CHGA: variants seen among roughly 807,000 people sequenced by gnomAD.
CHGA encodes chromogranin A.
In CHGA, 41 loss-of-function variants were observed where a neutral mutation model predicts 54.4. The ratio of observed to expected loss-of-function variants is 0.75; its 90% CI spans 0.59 to 0.98. The LOEUF (loss-of-function observed/expected upper bound fraction) is 0.98. Among genes scored for constraint, CHGA ranks in the 50% least tolerant of loss-of-function variants. The probability of loss-of-function intolerance (pLI) is 0.00; values close to 1 mark genes in which losing one functional copy is unlikely to be tolerated. For synonymous variants in CHGA, 249 were observed against 232.8 expected (o/e 1.07, Z -0.63); for missense variants, 576 against 582.3 (o/e 0.99, Z 0.11).
chr14:92,929,613 T>G, intron 4 of CHGA, 104 bp from the exon 5 acceptor site: 1 of 1,003,406 alleles, frequency 1.0e-6, no homozygotes, highest in Non-Finnish European at 1.5e-6. Context: ...GCCCTGAACA[T>G]GATGTGCCCA....
At position 92,932,769 on chromosome 14, in the gene CHGA, T is replaced by C. The variant is rs1447212628; in HGVS notation, c.1208T>C (p.Leu403Pro). The change falls in exon 7 of 8, where the codon CTT becomes CCT. Residue 403 changes from leucine to proline, a missense_variant. Coordinates refer to ENST00000216492, the MANE Select transcript of CHGA (RefSeq NM_001275.4). This position sits in a 1 kb window ranked among gnomAD's most constrained non-coding sequence, Gnocchi z 5.3. ...AGGCCATCCTCCCGGGAGGACAGCC[T>C]TGAGGCGGGCCTGCCCCTCCAGGTC... Reference protein sequence around the residue: ...GWRPSSREDSLEAGLPLQVRG... With the variant: ...GWRPSSREDSPEAGLPLQVRG... 2.5e-6 allele frequency: 4 copies of C among 1,598,178 alleles called. No individual in the cohort carries two copies. Among genetic ancestry groups the C allele is most frequent in the Admixed American group, 3.4e-5 (2 of 58,594 alleles).
At position 92,931,578 on chromosome 14, in the gene CHGA, AGAGGAGGAGGAG is replaced by A. The variant is rs371215355; in HGVS notation, c.698_709del (p.Glu233_Glu236del). ...AGCCAGGGTGGCAGGCAAAGAGAGA[AGAGGAGGAGGAG>A]GAGGAGGAGGAGGCTGAGGCTGGAG... On this transcript the variant is annotated inframe_deletion, in exon 6 of 8. Coordinates refer to ENST00000216492, the MANE Select transcript of CHGA (RefSeq NM_001275.4). The A allele has an allele frequency of 1.1e-5, 18 of 1,610,608 alleles. No homozygotes were observed. The South Asian group carries it at 1.4e-4, about 13-fold the overall frequency.
At position 92,932,970 on chromosome 14, in the gene CHGA, G is replaced by A; in HGVS notation, c.1290+119G>A. ...CAGGGCCCCCCCGCCGAAGTCTGGG[G>A]ATGGAGAGATGCTCAGACCGGGGGC... On this transcript the variant is annotated intron_variant, in intron 7 of 7. Transcript: ENST00000216492. The surrounding 1 kb of genome is among the most constrained non-coding windows in gnomAD (Gnocchi z 5.3). 1.4e-6 allele frequency: 2 copies of A among 1,385,502 alleles called. No homozygotes were observed. Among genetic ancestry groups the A allele is most frequent in the African/African-American group, 2.9e-5 (2 of 68,618 alleles). The allele number at this position is 1,385,502 out of a possible 1,614,324, so 85.8% of individuals were successfully genotyped here.
chr14:92,928,374 A>G (rs1886929294), intron 4 of CHGA, among the ~76,000 whole-genome samples: 1 of 152,128 alleles, frequency 6.6e-6, no homozygotes, highest in South Asian at 2.1e-4. Context: ...GGAGGCACGT[A>G]AACACAGCCA....
Position 92,927,532 on chromosome 14 carries a change from GA to G in CHGA, c.188-17del. The G allele has an allele frequency of 6.2e-7, 1 of 1,606,496 alleles. No homozygotes were observed. The highest frequency in any genetic ancestry group is 8.5e-7 in the Non-Finnish European group (1 of 1,175,086). Reference sequence around the variant, plus strand: ...CTGTTCTCTGGAAACCACCCATGATGACTCTTCTTCATTGCAGATGAACGGA... The same window carrying G: ...CTGTTCTCTGGAAACCACCCATGATGCTCTTCTTCATTGCAGATGAACGGA... On this transcript the variant is annotated splice_polypyrimidine_tract_variant and intron_variant, in intron 3 of 7. Coordinates refer to ENST00000216492, the MANE Select transcript of CHGA (RefSeq NM_001275.4).
Position 92,934,967 on chromosome 14 carries a change from C to T in CHGA, c.*83C>T, listed in dbSNP as rs1196562329. ...CTTGGCAGGTCCTGGCCAGATGGCCCGGATGCTGCTTCCGGTAGGGAGGCA... is the reference window on the plus strand; with the variant it reads ...CTTGGCAGGTCCTGGCCAGATGGCCTGGATGCTGCTTCCGGTAGGGAGGCA... On this transcript the variant is annotated 3_prime_UTR_variant, in exon 8 of 8. Transcript: ENST00000216492. 1.1e-5 allele frequency: 14 copies of T among 1,249,012 alleles called. No homozygotes were observed. Among genetic ancestry groups the T allele is most frequent in the Non-Finnish European group, 1.3e-5 (12 of 917,054 alleles). 77.4% of individuals were successfully genotyped at this position (1,249,012 alleles called of 1,614,324 possible). A position where few individuals can be genotyped will look rare whatever the true frequency, so the allele number is the denominator to read the frequency against.
At position 92,935,042 on chromosome 14, in the gene CHGA, T is replaced by C. The variant is rs550938426; in HGVS notation, c.*158T>C. ...CCACCCTATCGCCCCCTACGCGCCT[T>C]GTCTCCTACTCCTGACTCCTACCTG... On this transcript the variant is annotated 3_prime_UTR_variant, in exon 8 of 8. Transcript: ENST00000216492. The C allele has an allele frequency of 2.2e-4, 128 of 577,316 alleles. No homozygotes were observed. Among genetic ancestry groups the C allele is most frequent in the Non-Finnish European group, 3.5e-4 (119 of 338,310 alleles). The allele number at this position is 577,316 out of a possible 1,614,324, so 35.8% of individuals were successfully genotyped here.
chr14:92,932,980 T>G lies in CHGA; in HGVS notation c.1290+129T>G. On this transcript the variant is annotated intron_variant, in intron 7 of 7. Transcript: ENST00000216492. This position sits in a 1 kb window ranked among gnomAD's most constrained non-coding sequence, Gnocchi z 5.3. ...CCGCCGAAGTCTGGGGATGGAGAGA[T>G]GCTCAGACCGGGGGCTCTCAGGGTG... 1 of 1,360,996 alleles carries G rather than the reference T, an allele frequency of 7.3e-7. No individual in the cohort carries two copies. The highest frequency in any genetic ancestry group is 9.7e-7 in the Non-Finnish European group (1 of 1,029,678). The allele number at this position is 1,360,996 out of a possible 1,614,324, so 84.3% of individuals were successfully genotyped here.
rs9658662 is a variant in CHGA at position 92,932,372 on chromosome 14, C to G, written c.811C>G (p.Arg271Gly). The G allele has an allele frequency of 8.9e-6, 14 of 1,578,628 alleles. No homozygotes were observed. The highest frequency in any genetic ancestry group is 1.2e-5 in the Non-Finnish European group (14 of 1,162,682). ...CTCTTGCCCACCACCTGCTCCAGGT[C>G]GGTCGGAGGCTCTGGCTGTGGATGG... ...GYKEIRKGESRSEALAVDGAG... is the reference protein window; with the variant it reads ...GYKEIRKGESGSEALAVDGAG... The change falls in exon 7 of 8, where the codon CGG becomes GGG. Residue 271 changes from arginine (R) to glycine (G), a missense_variant and splice_region_variant. Transcript: ENST00000216492. This position sits in a 1 kb window ranked among gnomAD's most constrained non-coding sequence, Gnocchi z 5.3.
Position 92,935,035 on chromosome 14 carries a change from C to T in CHGA, c.*151C>T, listed in dbSNP as rs373388498. The T allele has an allele frequency of 1.7e-5, 10 of 597,740 alleles. No homozygotes were observed. Among genetic ancestry groups the T allele is most frequent in the African/African-American group, 5.8e-5 (3 of 51,938 alleles). The allele number at this position is 597,740 out of a possible 1,614,324, so 37.0% of individuals were successfully genotyped here. ...GCCCAGGCCACCCTATCGCCCCCTA[C>T]GCGCCTTGTCTCCTACTCCTGACTC... On this transcript the variant is annotated 3_prime_UTR_variant, in exon 8 of 8. Coordinates refer to ENST00000216492, the MANE Select transcript of CHGA (RefSeq NM_001275.4).
At chr14:92,927,198 G>T (rs1886903127) in intron 3 of CHGA, among the ~76,000 whole-genome samples, 1 of 152,248 alleles carries the variant, frequency 6.6e-6, no homozygotes, top group African/African-American at 2.4e-5. Flanking sequence ...AAACCGATGA[G>T]TGGAAAAATG....
chr14:92,923,389 G>A lies in CHGA; in HGVS notation c.30G>A (p.Leu10=). The A allele has an allele frequency of 1.6e-6, 2 of 1,275,082 alleles. No individual in the cohort carries two copies. The highest frequency in any genetic ancestry group is 2.0e-6 in the Non-Finnish European group (2 of 1,013,560). The allele number at this position is 1,275,082 out of a possible 1,614,324, so 79.0% of individuals were successfully genotyped here. A position where few individuals can be genotyped will look rare whatever the true frequency, so the allele number is the denominator to read the frequency against. Residue 10 remains leucine (L), a synonymous_variant, in exon 1 of 8, where the codon CTG becomes CTA. Coordinates refer to ENST00000216492, the MANE Select transcript of CHGA (RefSeq NM_001275.4). Reference sequence around the variant, plus strand: ...GCTCCGCCGCTGTCCTGGCTCTTCTGCTCTGCGCCGGGCAAGGTGAGCGAG... The same window carrying A: ...GCTCCGCCGCTGTCCTGGCTCTTCTACTCTGCGCCGGGCAAGGTGAGCGAG... MRSAAVLAL[L]LCAGQVTALP...
intron 3 of CHGA, among the ~76,000 whole-genome samples, chr14:92,927,342 G>A (rs371870676): frequency 1.3e-5 from 2 of 152,340 alleles, no homozygotes; most frequent in South Asian, 2.1e-4. Context: ...TGGGGCAGTG[G>A]CTGACTTCTC....
chr14:92,932,818 A>G lies in CHGA; in HGVS notation c.1257A>G (p.Lys419=). 6.5e-7 allele frequency: 1 copy of G among 1,537,286 alleles called. No individual in the cohort carries two copies. The change falls in exon 7 of 8, where the codon AAA becomes AAG. Residue 419 remains lysine, a synonymous_variant. Transcript: ENST00000216492. The surrounding 1 kb of genome is among the most constrained non-coding windows in gnomAD (Gnocchi z 5.3). ...LQVRGYPEEK[K]EEEGSANRRP... ...TCCGAGGCTACCCCGAGGAGAAGAA[A>G]GAGGAGGAGGGCAGCGCAAACCGCA...
intron 4 of CHGA, among the ~76,000 whole-genome samples, chr14:92,928,179 A>T (rs554686111): frequency 6.6e-6 from 1 of 152,302 alleles, no homozygotes; most frequent in South Asian, 2.1e-4. Flanking sequence ...TCTCTCCATG[A>T]GAACAGGGCA....
intron 3 of CHGA, among the ~76,000 whole-genome samples, chr14:92,927,023 G>A (rs1232304648): frequency 6.6e-6 from 1 of 152,226 alleles, no homozygotes; most frequent in Admixed American, 6.5e-5. Flanking sequence ...CCAGTGCCTA[G>A]AACAGCCTCT....
At chr14:92,922,758 G>T (rs1381665582), upstream of CHGA, among the ~76,000 whole-genome samples, 3 of 152,172 alleles carry the variant, frequency 2.0e-5, no homozygotes, top group Non-Finnish European at 4.4e-5. Context: ...CTGTGAGACC[G>T]GGGGAGCATA....
At position 92,926,655 on chromosome 14, in the gene CHGA, C is replaced by A. The variant is rs750639497; in HGVS notation, c.144C>A (p.Ser48Arg). 3.1e-6 allele frequency: 5 copies of A among 1,614,020 alleles called. No homozygotes were observed. In the East Asian group the frequency reaches 1.1e-4, roughly 36 times the overall value. Residue 48 changes from serine (S) to arginine (R), a missense_variant, in exon 3 of 8, where the codon AGC becomes AGA. Coordinates refer to ENST00000216492, the MANE Select transcript of CHGA (RefSeq NM_001275.4). The stretch of plus-strand genomic sequence containing the variant: ...TCTCCGACACACTTTCCAAGCCCAG[C>A]CCCATGCCTGTCAGCCAGGAATGTT... ...EVISDTLSKP[S>R]PMPVSQECFE...
chr14:92,934,830 T>A lies in CHGA; in HGVS notation c.1320T>A (p.Ile440=). ...AGGAGCTGGAGAGCCTGTCGGCCAT[T>A]GAAGCAGAGCTGGAGAAAGTGGCCC... ...EDQELESLSA[I]EAELEKVAHQ... Residue 440 remains isoleucine (I), a synonymous_variant, in exon 8 of 8, where the codon ATT becomes ATA. Transcript: ENST00000216492. 6.3e-7 allele frequency: 1 copy of A among 1,589,284 alleles called. No homozygotes were observed.
Sources: gnomAD v4.1 joint callset for allele counts (sites outside exome capture counted in the v4.1 genomes callset) on GRCh38, gnomAD v4.1.1 for gene constraint, Gnocchi (gnomAD v3.1) non-coding constraint, MANE v1.5 for transcripts, NCBI Gene and HGNC (gene_info 2026-07-23, HGNC 2026-07-21) for gene names.